The following AGBL4 variants were observed in gnomAD, a reference collection of about 807,000 sequenced individuals.
AGBL4 encodes the protein cytosolic carboxypeptidase 6.
Under a neutral mutation model 66.4 loss-of-function variants are expected in AGBL4, and 58 were observed. The ratio of observed to expected loss-of-function variants is 0.87; its 90% CI spans 0.71 to 1.09. The LOEUF (loss-of-function observed/expected upper bound fraction) is 1.09. Among genes scored for constraint, AGBL4 ranks in the 50% least tolerant of loss-of-function variants. AGBL4 has a pLI of 0.00. For synonymous variants in AGBL4, 234 were observed against 222.9 expected, an observed-to-expected ratio of 1.05 and a Z score of -0.44; for missense variants, 579 against 631.0, an observed-to-expected ratio of 0.92 and a Z score of 0.88.
chr1:49,901,342 A>T (rs1649751656), intron 1 of AGBL4, among the ~76,000 whole-genome samples: 1 of 152,222 alleles, frequency 6.6e-6, no homozygotes, highest in Non-Finnish European at 1.5e-5. Context: ...ACTTCAGCAA[A>T]GTTTGAGAAT....
intron 4 of AGBL4, among the ~76,000 whole-genome samples, chr1:49,178,833 T>C (rs1417874732): frequency 1.3e-5 from 2 of 152,170 alleles, no homozygotes; most frequent in South Asian, 2.1e-4. Flanking sequence ...AATAAATGAA[T>C]GAATATAATC....
intron 3 of AGBL4, among the ~76,000 whole-genome samples, chr1:49,550,373 C>A (rs566148464): frequency 6.6e-6 from 1 of 152,110 alleles, no homozygotes; most frequent in African/African-American, 2.4e-5. Context: ...TGCTTTTTAA[C>A]TTGTATTTTT....
At chr1:49,829,271 G>C (rs1571658245) in intron 2 of AGBL4, among the ~76,000 whole-genome samples, 1 of 152,122 alleles carries the variant, frequency 6.6e-6, no homozygotes, top group South Asian at 2.1e-4. Flanking sequence ...AAAGATTAAA[G>C]ATACGTAAGC....
In AGBL4 at chr1:48,688,702, GCCT is replaced by G. The variant is rs376388137; in HGVS notation, c.635-25464_635-25462del. ...AAGAGCATTCCTGAGATTAAGGAAG[GCCT>G]CCCAGCTTTGGACCAAAAGCAAGCA... On this transcript the variant is annotated intron_variant, in intron 6 of 13. Coordinates refer to ENST00000371839, the MANE Select transcript of AGBL4 (RefSeq NM_032785.4). Among the ~76,000 whole-genome samples the G allele has an allele frequency of 1.1e-3, 175 of 152,268 alleles. 2 individuals carry two copies. In the South Asian group the frequency reaches 0.034, roughly 29 times the overall value.
chr1:49,576,355 A>G (rs139483895), intron 3 of AGBL4, among the ~76,000 whole-genome samples: 4,633 of 152,290 alleles, frequency 0.03, 94 homozygotes, highest in Non-Finnish European at 0.047. Flanking sequence ...CAGCAGATCC[A>G]ATGGTGCTTG....
chr1:49,843,684 G>A (rs1646061025), intron 2 of AGBL4, among the ~76,000 whole-genome samples: 1 of 152,186 alleles, frequency 6.6e-6, no homozygotes, highest in Admixed American at 6.5e-5. Context: ...TCCCTCCCAT[G>A]TAATGGGAAA....
chr1:49,315,478 T>A (rs967320047), intron 3 of AGBL4, among the ~76,000 whole-genome samples: 1 of 151,840 alleles, frequency 6.6e-6, no homozygotes, highest in East Asian at 1.9e-4. Flanking sequence ...TGGGAGAAAA[T>A]TTTTGCAATC....
chr1:48,534,026 A>C lies in AGBL4; in HGVS notation c.*147T>G. 1 of 1,297,236 alleles carries C rather than the reference A, an allele frequency of 7.7e-7. No individual in the cohort carries two copies. The allele number at this position is 1,297,236 out of a possible 1,614,324, so 80.4% of individuals were successfully genotyped here. The stretch of plus-strand genomic sequence containing the variant: ...CCATTGGAAAAAGGGAAAATCAGTG[A>C]TGAAGTTTCTCATTGTATCCCTTCC... On this transcript the variant is annotated 3_prime_UTR_variant, in exon 14 of 14. Transcript: ENST00000371839.
At chr1:49,714,513 T>C (rs1021787843) in intron 2 of AGBL4, among the ~76,000 whole-genome samples, 5 of 151,262 alleles carry the variant, frequency 3.3e-5, no homozygotes. Context: ...TCCAGTTCCA[T>C]CTATGCTGCT....
intron 5 of AGBL4, among the ~76,000 whole-genome samples, chr1:48,884,704 C>A (rs1650138152): frequency 6.6e-6 from 1 of 152,010 alleles, no homozygotes; most frequent in South Asian, 2.1e-4. Flanking sequence ...CTAAATATGT[C>A]AATATTTTTT....
chr1:49,207,360 T>C (rs956907383), intron 4 of AGBL4, among the ~76,000 whole-genome samples: 1 of 152,078 alleles, frequency 6.6e-6, no homozygotes, highest in Non-Finnish European at 1.5e-5. Flanking sequence ...ATTGAGTTGA[T>C]GCTCCATTCC....
chr1:48,987,459 A>T (rs757893074), intron 5 of AGBL4, among the ~76,000 whole-genome samples: 3 of 152,054 alleles, frequency 2.0e-5, no homozygotes, highest in Non-Finnish European at 4.4e-5. Context: ...TAATTTATTA[A>T]GAAGATTTAA....
At chr1:48,885,626 C>T (rs924817746) in intron 5 of AGBL4, among the ~76,000 whole-genome samples, 1 of 152,132 alleles carries the variant, frequency 6.6e-6, no homozygotes, top group African/African-American at 2.4e-5. Flanking sequence ...TAAAGCCTTT[C>T]CCTTTCTTCT....
intron 3 of AGBL4, among the ~76,000 whole-genome samples, chr1:49,280,091 C>A (rs377515846): frequency 6.6e-6 from 1 of 152,102 alleles, no homozygotes; most frequent in African/African-American, 2.4e-5. Flanking sequence ...TGTCTGGCAC[C>A]AATGGCTCCA....
At chr1:49,112,480 A>G (rs1422268797) in intron 4 of AGBL4, among the ~76,000 whole-genome samples, 1 of 152,182 alleles carries the variant, frequency 6.6e-6, no homozygotes, top group Non-Finnish European at 1.5e-5. Flanking sequence ...TTGCTGCATC[A>G]ATTGACTCTT....
chr1:48,986,942 C>A (rs955510219), intron 5 of AGBL4, among the ~76,000 whole-genome samples: 3 of 151,528 alleles, frequency 2.0e-5, no homozygotes, highest in Non-Finnish European at 4.4e-5. Flanking sequence ...TACTACAAAC[C>A]CTACATAAGC....
intron 2 of AGBL4, among the ~76,000 whole-genome samples, chr1:49,724,403 C>G (rs977080084): frequency 2.6e-5 from 4 of 152,112 alleles, no homozygotes; most frequent in African/African-American, 9.7e-5. Flanking sequence ...GTGGCTATAA[C>G]AGCAAACATG....
At chr1:48,967,422 A>C (rs1658537308) in intron 5 of AGBL4, among the ~76,000 whole-genome samples, 1 of 152,316 alleles carries the variant, frequency 6.6e-6, no homozygotes, top group South Asian at 2.1e-4. Context: ...TCAAGCATTA[A>C]AAATGTAACA....
chr1:48,613,970 C>A (rs969391845), intron 9 of AGBL4, among the ~76,000 whole-genome samples: 6 of 152,144 alleles, frequency 3.9e-5, no homozygotes, highest in African/African-American at 1.4e-4. Flanking sequence ...TGTTAGTGGG[C>A]ATTTTAATTT....
Sources: allele counts gnomAD v4.1 joint callset (sites outside exome capture counted in the v4.1 genomes callset), GRCh38; gene constraint gnomAD v4.1.1; transcripts MANE v1.5; gene names NCBI Gene and HGNC (gene_info 2026-07-23, HGNC 2026-07-21).